The following CTNNA3 variants were observed in gnomAD, a reference collection of about 807,000 sequenced individuals.
The protein encoded by CTNNA3 is catenin alpha-3.
Under a neutral mutation model 95.7 loss-of-function variants are expected in CTNNA3, and 76 were observed. That is an observed-to-expected ratio of 0.79 (90% CI 0.66 to 0.96). The LOEUF (loss-of-function observed/expected upper bound fraction) is 0.96. Ranked by LOEUF, CTNNA3 falls within the 40% of genes least tolerant of loss-of-function variation. The probability of loss-of-function intolerance (pLI) is 0.00; values close to 1 mark genes in which losing one functional copy is unlikely to be tolerated. For synonymous variants in CTNNA3, 431 were observed against 374.4 expected (o/e 1.15, Z -1.74); for missense variants, 1,191 against 1,089.8 (o/e 1.09, Z -1.31).
At chr10:66,515,510 T>C (rs1041951653) in intron 11 of CTNNA3, among the ~76,000 whole-genome samples, 32 of 152,164 alleles carry the variant, frequency 2.1e-4, no homozygotes, top group African/African-American at 7.7e-4. Flanking sequence ...GAACCAGAAG[T>C]CTCTGAATAC....
At chr10:67,310,694 G>T (rs1840755024) in intron 5 of CTNNA3, among the ~76,000 whole-genome samples, 1 of 152,180 alleles carries the variant, frequency 6.6e-6, no homozygotes, top group Non-Finnish European at 1.5e-5. Flanking sequence ...GGAGAGAGAA[G>T]TGAAAGCAAA....
intron 10 of CTNNA3, among the ~76,000 whole-genome samples, chr10:66,597,345 G>C (rs1843744003): frequency 6.6e-6 from 1 of 150,708 alleles, no homozygotes; most frequent in Non-Finnish European, 1.5e-5. Flanking sequence ...GCCTTCACTG[G>C]GACACATTAT....
chr10:66,529,438 T>TG (rs1841382531), intron 10 of CTNNA3, among the ~76,000 whole-genome samples: 3 of 93,394 alleles, frequency 3.2e-5, no homozygotes, highest in Admixed American at 2.2e-4. Flanking sequence ...AGCCAAACAG[T>TG]GTTTTTTTTT....
At chr10:66,602,740 A>G (rs78011484) in intron 10 of CTNNA3, among the ~76,000 whole-genome samples, 3,407 of 152,190 alleles carry the variant, frequency 0.022, 149 homozygotes, top group African/African-American at 0.077. Context: ...TAAAAAGATC[A>G]TTCACCATGA....
chr10:66,620,261 C>A (rs1223476761), intron 10 of CTNNA3, among the ~76,000 whole-genome samples: 1 of 152,010 alleles, frequency 6.6e-6, no homozygotes, highest in African/African-American at 2.4e-5. Flanking sequence ...TTCTTCAAAT[C>A]TTCTGTGACT....
At chr10:67,081,543 C>A (rs1316175075) in intron 7 of CTNNA3, among the ~76,000 whole-genome samples, 1 of 152,108 alleles carries the variant, frequency 6.6e-6, no homozygotes, top group African/African-American at 2.4e-5. Context: ...TATAAATTGA[C>A]CCATTGTTTC....
chr10:67,005,680 A>ATTTTTTTTTTTTTT (rs1564825972), intron 7 of CTNNA3, among the ~76,000 whole-genome samples: 22 of 26,344 alleles, frequency 8.4e-4, no homozygotes, highest in Admixed American at 1.6e-3. Flanking sequence ...ATTTTACTCC[A>ATTTTTTTTTTTTTT]TCTTTTTTTT....
At chr10:67,254,733 C>A (rs1212076196) in intron 5 of CTNNA3, among the ~76,000 whole-genome samples, 1 of 152,150 alleles carries the variant, frequency 6.6e-6, no homozygotes, top group Non-Finnish European at 1.5e-5. Context: ...GTGTTACAAT[C>A]CCCTGTAGTA....
At chr10:67,450,178 A>G (rs1431292084) in intron 5 of CTNNA3, among the ~76,000 whole-genome samples, 1 of 152,170 alleles carries the variant, frequency 6.6e-6, no homozygotes, top group African/African-American at 2.4e-5. Flanking sequence ...TAAAAAGGGA[A>G]CACTTATATA....
rs1435579566 is a variant in CTNNA3 at position 66,763,339 on chromosome 10, C to CAGAGAGAGAGAGAGAG, written c.1281+2924_1281+2925insCTCTCTCTCTCTCTCT. Among the ~76,000 whole-genome samples, 128 of 128,862 alleles carry CAGAGAGAGAGAGAGAG rather than the reference C, an allele frequency of 9.9e-4. 1 individual carries two copies. The highest frequency in any genetic ancestry group is 3.2e-3 in the African/African-American group (118 of 36,632). The allele number at this position is 128,862 out of a possible 152,430, so 84.5% of individuals were successfully genotyped here. On this transcript the variant is annotated intron_variant, in intron 9 of 17. Transcript: ENST00000433211. ...ACACACACACACACACACACACACA[C>CAGAGAGAGAGAGAGAG]ACAGAGAGAGAGAGGGAGAGAGAGA...
At chr10:67,677,202 A>C (rs1050368588) in intron 1 of CTNNA3, among the ~76,000 whole-genome samples, 16 of 152,176 alleles carry the variant, frequency 1.1e-4, no homozygotes, top group Admixed American at 9.8e-4. Flanking sequence ...CAAAATGATA[A>C]GGATCTCATT....
At chr10:67,079,806 C>T (rs1856952012) in intron 7 of CTNNA3, among the ~76,000 whole-genome samples, 1 of 151,390 alleles carries the variant, frequency 6.6e-6, no homozygotes, top group South Asian at 2.1e-4. Context: ...TGAGATTGCA[C>T]CACTGAACTC....
In CTNNA3 at chr10:66,660,578, T is replaced by A. The variant is rs186994725; in HGVS notation, c.1282-38794A>T. On this transcript the variant is annotated intron_variant, in intron 9 of 17. Coordinates refer to ENST00000433211, the MANE Select transcript of CTNNA3 (RefSeq NM_013266.4). ...TTACAAAAGGTCCCTGATAAGAAAG[T>A]ATGAATGCATACAAAATTTATCATA... Among the ~76,000 whole-genome samples, 65 of 152,320 alleles carry A rather than the reference T, an allele frequency of 4.3e-4. 1 individual carries two copies. Among genetic ancestry groups the A allele is most frequent in the African/African-American group, 1.5e-3 (61 of 41,588 alleles).
intron 8 of CTNNA3, among the ~76,000 whole-genome samples, chr10:66,772,042 T>C (rs113248424): frequency 3.3e-5 from 5 of 151,658 alleles, no homozygotes; most frequent in Non-Finnish European, 5.9e-5. Flanking sequence ...CATCAAGCTG[T>C]ACAAGTCATA....
rs867737998 is a variant in CTNNA3, at chr10:67,501,457, C to A, written c.579+20385G>T. ...TTATGTGTCTTGGGGTTGCTTTTCT[C>A]GAGAAGTATCTTTGTGGTGTTCTCT... is the stretch of plus-strand genomic sequence containing the variant. On this transcript the variant is annotated intron_variant, in intron 5 of 17. Transcript: ENST00000433211. Among the ~76,000 whole-genome samples the A allele has an allele frequency of 2.6e-5, 4 of 152,198 alleles. No individual in the cohort carries two copies. In the South Asian group the frequency reaches 8.3e-4, roughly 32 times the overall value.
rs528561414 is a variant in CTNNA3 at position 66,039,096 on chromosome 10, C to T, written c.2159+30212G>A. 3.3e-5 allele frequency among the ~76,000 whole-genome samples: 5 copies of T among 152,186 alleles called. No homozygotes were observed. The South Asian group carries it at 1.0e-3, about 32-fold the overall frequency. ...AAAAATCACTAGCATTCTTACACACCAACAACATCCAAGCTGAGAGCCAAA... is the reference window on the plus strand; with the variant it reads ...AAAAATCACTAGCATTCTTACACACTAACAACATCCAAGCTGAGAGCCAAA... On this transcript the variant is annotated intron_variant, in intron 15 of 17. Coordinates refer to ENST00000433211, the MANE Select transcript of CTNNA3 (RefSeq NM_013266.4).
intron 1 of CTNNA3, among the ~76,000 whole-genome samples, chr10:67,741,879 T>A (rs1427518952): frequency 6.6e-6 from 1 of 151,082 alleles, no homozygotes; most frequent in African/African-American, 2.4e-5. Flanking sequence ...AAACAGACTT[T>A]AAACCAACAA....
chr10:67,553,859 A>T (rs1388310619), intron 3 of CTNNA3, among the ~76,000 whole-genome samples: 2 of 151,926 alleles, frequency 1.3e-5, no homozygotes, highest in Non-Finnish European at 2.9e-5. Flanking sequence ...TGCTGCACCC[A>T]TTAACTCATC....
intron 9 of CTNNA3, among the ~76,000 whole-genome samples, chr10:66,635,510 A>T (rs140652472): frequency 2.0e-5 from 3 of 152,134 alleles, no homozygotes; most frequent in Non-Finnish European, 2.9e-5. Flanking sequence ...GGATTTTCTT[A>T]AAGAGAGATA....
Sources: allele counts gnomAD v4.1 joint callset (sites outside exome capture counted in the v4.1 genomes callset), GRCh38; gene constraint gnomAD v4.1.1; transcripts MANE v1.5; gene names NCBI Gene and HGNC (gene_info 2026-07-23, HGNC 2026-07-21).